Variants in TMEFF2 observed in about 807,000 individuals in gnomAD.
TMEFF2 encodes tomoregulin-2.
Under a neutral mutation model 53.8 loss-of-function variants are expected in TMEFF2, and 28 were observed. That is an observed-to-expected ratio of 0.52 (90% CI 0.39 to 0.71). TMEFF2 has a LOEUF of 0.71. TMEFF2 is among the 30% of genes least tolerant of loss of function. The probability of loss-of-function intolerance (pLI) is 0.00; values close to 1 mark genes in which losing one functional copy is unlikely to be tolerated. For missense variants in TMEFF2, 353 were observed against 455.2 expected, an observed-to-expected ratio of 0.78 and a Z score of 2.04; for synonymous variants, 162 against 166.3, an observed-to-expected ratio of 0.97 and a Z score of 0.20.
chr2:192,125,988 C>G (rs1689667775), intron 4 of TMEFF2, among the ~76,000 whole-genome samples: 1 of 152,156 alleles, frequency 6.6e-6, no homozygotes. Context: ...ACTTATATAA[C>G]AAACCCGCAC....
At chr2:192,059,532 C>T (rs1687993998) in intron 4 of TMEFF2, among the ~76,000 whole-genome samples, 1 of 152,116 alleles carries the variant, frequency 6.6e-6, no homozygotes, top group Non-Finnish European at 1.5e-5. Context: ...AGATTAGCAA[C>T]TTCCAGACTA....
intron 5 of TMEFF2, among the ~76,000 whole-genome samples, chr2:192,054,371 T>C (rs970984771): frequency 1.3e-5 from 2 of 152,148 alleles, no homozygotes; most frequent in Non-Finnish European, 2.9e-5. Context: ...GTTTTTCTGA[T>C]TGACACCAAT....
chr2:192,075,285 T>TTATTTATATATATA (rs1688382587), intron 4 of TMEFF2, among the ~76,000 whole-genome samples: 1 of 65,776 alleles, frequency 1.5e-5, no homozygotes, highest in African/African-American at 6.2e-5. Context: ...TACAGTACTA[T>TTATTTATATATATA]TATATATATA....
chr2:192,123,570 C>G (rs1045990507), intron 4 of TMEFF2, among the ~76,000 whole-genome samples: 28 of 152,120 alleles, frequency 1.8e-4, no homozygotes, highest in African/African-American at 6.8e-4. Flanking sequence ...ATTATATTTA[C>G]TATTAGCAAA....
intron 4 of TMEFF2, among the ~76,000 whole-genome samples, chr2:192,158,616 C>T (rs1183126933): frequency 2.0e-5 from 3 of 152,024 alleles, no homozygotes; most frequent in African/African-American, 7.2e-5. Flanking sequence ...TTTTTGTCTC[C>T]ACTCTAGTTC....
chr2:192,130,421 C>T (rs980213193), intron 4 of TMEFF2, among the ~76,000 whole-genome samples: 12 of 152,128 alleles, frequency 7.9e-5, no homozygotes, highest in African/African-American at 2.7e-4. Flanking sequence ...GCCATCGCAT[C>T]CCCTGTGACT....
chr2:192,153,111 G>T (rs1466758572), intron 4 of TMEFF2, among the ~76,000 whole-genome samples: 1 of 151,162 alleles, frequency 6.6e-6, no homozygotes, highest in African/African-American at 2.4e-5. Context: ...ATTAAATTAA[G>T]AATTATTACT....
Position 192,057,769 on chromosome 2 carries a change from T to A in TMEFF2, c.446A>T (p.Glu149Val). 1 of 1,613,430 alleles carries A rather than the reference T, an allele frequency of 6.2e-7. No homozygotes were observed. The highest frequency in any genetic ancestry group is 8.5e-7 in the Non-Finnish European group (1 of 1,179,402). The part of the protein sequence containing the change: ...AGSGSGDGVH[E>V]GSGETSQKET... ...CTTTTGACTAGTTTCTCCAGAGCCT[T>A]CATGGACTGTAGGACAGAAAAACAG... Residue 149 changes from glutamate to valine, a missense_variant, in exon 5 of 10, where the codon GAA (glutamate) becomes GTA (valine). Glu to Val is a moderately radical substitution (Grantham distance 121). Transcript: ENST00000272771.
intron 7 of TMEFF2, among the ~76,000 whole-genome samples, chr2:191,979,278 G>C (rs1559070105): frequency 6.6e-6 from 1 of 152,170 alleles, no homozygotes; most frequent in Non-Finnish European, 1.5e-5. Flanking sequence ...TCATGTCACT[G>C]TTTAGAAAGG....
At position 191,949,982 on chromosome 2, in the gene TMEFF2, A is replaced by G; in HGVS notation, c.*329T>C. ...AGATTGTACTAGTCTGATTATATTT[A>G]CAGTTATGAGATACCGCAAATTTAA... On this transcript the variant is annotated 3_prime_UTR_variant, in exon 10 of 10. Transcript: ENST00000272771. The G allele has an allele frequency of 9.2e-7, 1 of 1,092,176 alleles. No homozygotes were observed. The highest frequency in any genetic ancestry group is 2.8e-5 in the South Asian group (1 of 36,062). 67.7% of individuals were successfully genotyped at this position (1,092,176 alleles called of 1,614,324 possible).
intron 4 of TMEFF2, among the ~76,000 whole-genome samples, chr2:192,171,311 C>G (rs1186375198): frequency 6.6e-6 from 1 of 152,020 alleles, no homozygotes; most frequent in Non-Finnish European, 1.5e-5. Context: ...CTGTGATCCC[C>G]AAATCAATGA....
intron 5 of TMEFF2, chr2:192,029,381 A>C (rs1687059053): frequency 6.6e-6 from 1 of 152,194 alleles, no homozygotes; most frequent in Non-Finnish European, 1.5e-5. Context: ...CAGATTCCCA[A>C]CCCACATAAA....
At position 191,999,181 on chromosome 2, in the gene TMEFF2, T is replaced by C. The variant is rs747821826; in HGVS notation, c.564A>G (p.Gln188=). The part of the protein sequence containing the change: ...VWCVCNIDCS[Q]TNFNPLCASD... ...AAGCGCAGAGGGGATTGAAGTTGGTTTGAGAACAGTCAATATTACACACAC... is the reference window on the plus strand; with the variant it reads ...AAGCGCAGAGGGGATTGAAGTTGGTCTGAGAACAGTCAATATTACACACAC... The change falls in exon 6 of 10, where the codon CAA becomes CAG. Residue 188 remains glutamine (Q), a synonymous_variant. Transcript: ENST00000272771. 6.2e-7 allele frequency: 1 copy of C among 1,610,650 alleles called. No homozygotes were observed.
At chr2:192,043,974 T>C (rs1687550755) in intron 5 of TMEFF2, 1 of 152,206 alleles carries the variant, frequency 6.6e-6, no homozygotes, top group East Asian at 1.9e-4. Flanking sequence ...CAATTGCAGC[T>C]GCTGTACTGG....
chr2:192,134,250 G>A (rs1269448706), intron 4 of TMEFF2, among the ~76,000 whole-genome samples: 3 of 152,184 alleles, frequency 2.0e-5, no homozygotes, highest in South Asian at 4.2e-4. Flanking sequence ...CATTGTTCCT[G>A]GCCCGGACTT....
intron 4 of TMEFF2, among the ~76,000 whole-genome samples, chr2:192,145,937 G>A (rs1180831715): frequency 6.6e-6 from 1 of 151,910 alleles, no homozygotes; most frequent in Non-Finnish European, 1.5e-5. Context: ...AAAAAAAACT[G>A]AAAAGCAACT....
intron 7 of TMEFF2, among the ~76,000 whole-genome samples, chr2:191,993,014 T>C (rs13403961): frequency 0.018 from 2,675 of 152,172 alleles, 74 homozygotes; most frequent in African/African-American, 0.061. Flanking sequence ...TAACCTTAGT[T>C]CTATCACATT....
chr2:192,189,834 G>A (rs1249751424), intron 2 of TMEFF2, among the ~76,000 whole-genome samples: 1 of 152,066 alleles, frequency 6.6e-6, no homozygotes, highest in Non-Finnish European at 1.5e-5. Flanking sequence ...CTTGGTATGT[G>A]CAAAGTCTAC....
chr2:192,136,677 C>A (rs745858661), intron 4 of TMEFF2, among the ~76,000 whole-genome samples: 1 of 151,978 alleles, frequency 6.6e-6, no homozygotes, highest in Non-Finnish European at 1.5e-5. Flanking sequence ...CTCTCTTTCT[C>A]CTCCATCTCC....
Sources: allele counts gnomAD v4.1 joint callset (sites outside exome capture counted in the v4.1 genomes callset), GRCh38; gene constraint gnomAD v4.1.1; transcripts MANE v1.5; gene names NCBI Gene and HGNC (gene_info 2026-07-23, HGNC 2026-07-21).